Variants in TMEM38B observed in about 807,000 individuals in gnomAD.
The protein encoded by TMEM38B is trimeric intracellular cation channel type B.
In TMEM38B, 24 loss-of-function variants were observed where a neutral mutation model predicts 28.7. The ratio of observed to expected loss-of-function variants is 0.84; its 90% CI spans 0.61 to 1.18. The LOEUF (loss-of-function observed/expected upper bound fraction) is 1.18. TMEM38B is among the 50% of genes most tolerant of loss of function. TMEM38B has a pLI of 0.00. For synonymous variants in TMEM38B, 131 were observed against 127.7 expected (o/e 1.03, Z -0.17); for missense variants, 380 against 350.9 (o/e 1.08, Z -0.66).
intron 4 of TMEM38B, among the ~76,000 whole-genome samples, chr9:105,744,747 C>A (rs533220658): frequency 5.3e-5 from 8 of 152,188 alleles, no homozygotes; most frequent in Non-Finnish European, 8.8e-5. Flanking sequence ...TTCCCCCACC[C>A]CATGACAGGC....
chr9:105,756,264 G>A (rs1479600207), intron 5 of TMEM38B, among the ~76,000 whole-genome samples: 2 of 152,198 alleles, frequency 1.3e-5, no homozygotes, highest in African/African-American at 4.8e-5. Context: ...CAATCTGCAT[G>A]TCTTTAATTT....
At chr9:105,750,445 GA>G (rs1837605721) in intron 5 of TMEM38B, among the ~76,000 whole-genome samples, 1 of 152,046 alleles carries the variant, frequency 6.6e-6, no homozygotes, top group Admixed American at 6.6e-5. Flanking sequence ...CCAACATGGT[GA>G]AACCCCATCT....
intron 2 of TMEM38B, 85 bp downstream of exon 2, chr9:105,705,838 C>G: frequency 2.2e-6 from 3 of 1,375,440 alleles, no homozygotes; most frequent in Non-Finnish European, 2.9e-6. Flanking sequence ...TTTCTTTGAA[C>G]AATATTTTAC....
chr9:105,716,346 A>G (rs1307813152), intron 2 of TMEM38B, among the ~76,000 whole-genome samples: 1 of 148,762 alleles, frequency 6.7e-6, no homozygotes, highest in Non-Finnish European at 1.5e-5. Context: ...GGTATTAGAG[A>G]TGCCAGAACC....
chr9:105,713,104 C>A (rs910231712), intron 2 of TMEM38B, among the ~76,000 whole-genome samples: 9 of 152,234 alleles, frequency 5.9e-5, no homozygotes, highest in African/African-American at 2.2e-4. Flanking sequence ...TGGAGCTCCC[C>A]AGGTGCAACT....
chr9:105,729,886 C>A (rs149861882), intron 4 of TMEM38B, among the ~76,000 whole-genome samples: 1,960 of 151,180 alleles, frequency 0.013, 45 homozygotes, highest in African/African-American at 0.045. Context: ...TCGGTCTGTT[C>A]TTGGTGTACA....
chr9:105,744,911 A>G (rs1238193906), intron 4 of TMEM38B, among the ~76,000 whole-genome samples: 1 of 152,230 alleles, frequency 6.6e-6, no homozygotes, highest in East Asian at 1.9e-4. Context: ...TACAAAGGAC[A>G]TGAACTGATC....
At chr9:105,728,442 A>T (rs1011564068) in intron 4 of TMEM38B, among the ~76,000 whole-genome samples, 1 of 152,298 alleles carries the variant, frequency 6.6e-6, no homozygotes, top group East Asian at 1.9e-4. Flanking sequence ...TTATGGCTGC[A>T]TAATATTCCA....
chr9:105,735,916 G>C (rs1418867637), intron 4 of TMEM38B, among the ~76,000 whole-genome samples: 1 of 152,148 alleles, frequency 6.6e-6, no homozygotes, highest in African/African-American at 2.4e-5. Context: ...GCCCAAGCTG[G>C]AGTGCAGTGG....
rs2133662060 is a variant in TMEM38B, at chr9:105,775,140, A to G, written c.*1060A>G. ...CTACATGTAATGTGTTATTAATTTT[A>G]TTAAATGAAAACTAATCACCTTCAT... On this transcript the variant is annotated 3_prime_UTR_variant, in exon 6 of 6. Transcript: ENST00000374692. The G allele has an allele frequency of 6.6e-6, 1 of 152,140 alleles. No individual in the cohort carries two copies. The highest frequency in any genetic ancestry group is 6.5e-5 in the Admixed American group (1 of 15,268). The allele number at this position is 152,140 out of a possible 1,614,324, so 9.4% of individuals were successfully genotyped here. A position where few individuals can be genotyped will look rare whatever the true frequency, so the allele number is the denominator to read the frequency against.
intron 4 of TMEM38B, among the ~76,000 whole-genome samples, chr9:105,737,009 A>G (rs1837009614): frequency 6.6e-6 from 1 of 152,142 alleles, no homozygotes; most frequent in Admixed American, 6.5e-5. Flanking sequence ...AACGGGATGG[A>G]TCCTAGCTGA....
chr9:105,723,860 G>T (rs1003367870), intron 4 of TMEM38B, among the ~76,000 whole-genome samples: 1 of 146,076 alleles, frequency 6.8e-6, no homozygotes, highest in Non-Finnish European at 1.5e-5. Context: ...TTGAGTCAGA[G>T]TTTCGCTGTT....
At chr9:105,736,055 G>GTTT (rs59000736) in intron 4 of TMEM38B, among the ~76,000 whole-genome samples, 1 of 135,734 alleles carries the variant, frequency 7.4e-6, no homozygotes, top group Non-Finnish European at 1.6e-5. Flanking sequence ...CATTTTTTTT[G>GTTT]TTTTTTTTTT....
At chr9:105,760,186 A>AT in intron 5 of TMEM38B, 2 of 915,562 alleles carry the variant, frequency 2.2e-6, no homozygotes, top group Non-Finnish European at 3.7e-6. Context: ...AATGCGTATG[A>AT]TTTCCCAAAT....
chr9:105,700,077 T>C (rs1353059042), intron 1 of TMEM38B, among the ~76,000 whole-genome samples: 2 of 152,234 alleles, frequency 1.3e-5, no homozygotes, highest in East Asian at 3.8e-4. Context: ...ACTACAGTAA[T>C]TTCTATTACA....
intron 4 of TMEM38B, among the ~76,000 whole-genome samples, chr9:105,735,351 T>G (rs1283110519): frequency 6.6e-6 from 1 of 152,210 alleles, no homozygotes; most frequent in Non-Finnish European, 1.5e-5. Context: ...TGGGGTATTT[T>G]GAGTTTGATT....
At chr9:105,739,975 CG>C (rs1837135387) in intron 4 of TMEM38B, among the ~76,000 whole-genome samples, 1 of 148,526 alleles carries the variant, frequency 6.7e-6, no homozygotes, top group African/African-American at 2.5e-5. Context: ...CTCTGCCTTC[CG>C]GGTTCAAGTG....
In TMEM38B at chr9:105,748,167, A is replaced by G. The variant is rs757902013; in HGVS notation, c.637A>G (p.Thr213Ala). ...AAAGCATAATCTTATGTTCCTTTAT[A>G]CCATCTTTATTGTGGCCACAAAGGT... ...ISKHNLMFLY[T>A]IFIVATKITM... is the part of the protein sequence containing the mutation. Residue 213 changes from threonine (T) to alanine (A), a missense_variant, in exon 5 of 6, where the codon ACC (threonine) becomes GCC (alanine). Coordinates refer to ENST00000374692, the MANE Select transcript of TMEM38B (RefSeq NM_018112.3). 1.9e-6 allele frequency: 3 copies of G among 1,612,412 alleles called. No homozygotes were observed. The highest frequency in any genetic ancestry group is 1.3e-5 in the African/African-American group (1 of 74,988).
intron 2 of TMEM38B, among the ~76,000 whole-genome samples, chr9:105,712,954 T>C (rs1308904766): frequency 6.6e-6 from 1 of 152,234 alleles, no homozygotes; most frequent in African/African-American, 2.4e-5. Context: ...GTTGCCCCTG[T>C]CCTGGATGCC....
Sources: gnomAD v4.1 joint callset for allele counts (sites outside exome capture counted in the v4.1 genomes callset) on GRCh38, gnomAD v4.1.1 for gene constraint, MANE v1.5 for transcripts, NCBI Gene and HGNC (gene_info 2026-07-23, HGNC 2026-07-21) for gene names.